The following ZNF705G variants were observed in gnomAD, a reference collection of about 807,000 sequenced individuals.
ZNF705G encodes putative zinc finger protein 705G.
In ZNF705G, 23 loss-of-function variants were observed where a neutral mutation model predicts 19.6. The ratio of observed to expected loss-of-function variants is 1.17; its 90% confidence interval spans 0.84 to 1.66. The LOEUF is 1.66. Ranked by LOEUF, ZNF705G falls within the 40% of genes most tolerant of loss-of-function variation. ZNF705G has a pLI of 0.00. For synonymous variants in ZNF705G, 146 were observed against 117.7 expected (o/e 1.24, Z -1.56); for missense variants, 457 against 354.4 (o/e 1.29, Z -2.32).
At chr8:7,370,911 C>A (rs1310912436) in intron 2 of ZNF705G, among the ~76,000 whole-genome samples, 13 of 121,508 alleles carry the variant, frequency 1.1e-4, no homozygotes, top group African/African-American at 3.5e-4. Context: ...ATGTTCTTTG[C>A]AGGAACATGA....
rs1349500774 is a variant in ZNF705G at position 7,358,556 on chromosome 8, T to C, written c.323A>G (p.Asn108Ser). ...KDASTSMTME[N>S]SLILEDPFEC... ...AAAAGGATCCTCCAGAATGAGAGAG[T>C]TCTCCTTTGGGGCAAATATTAAAAG... Residue 108 changes from asparagine (N) to serine (S), a missense_variant, in exon 7 of 7, where the codon AAC (asparagine) becomes AGC (serine). Transcript: ENST00000400156. The C allele has an allele frequency of 6.2e-7, 1 of 1,607,120 alleles. No homozygotes were observed. The highest frequency in any genetic ancestry group is 1.7e-5 in the Admixed American group (1 of 59,934).
intron 2 of ZNF705G, among the ~76,000 whole-genome samples, chr8:7,364,237 AG>A (rs1386517133): frequency 6.7e-6 from 1 of 149,626 alleles, no homozygotes; most frequent in Admixed American, 6.6e-5. Context: ...TGTTTGAGAC[AG>A]GGGGAAACAT....
At chr8:7,375,356 A>G (rs1807214505) in intron 2 of ZNF705G, among the ~76,000 whole-genome samples, 1 of 93,766 alleles carries the variant, frequency 1.1e-5, no homozygotes. Flanking sequence ...AAAGGACACA[A>G]TTTTGTTCTT....
At chr8:7,365,315 T>A in intron 2 of ZNF705G, among the ~76,000 whole-genome samples, 1 of 149,370 alleles carries the variant, frequency 6.7e-6, no homozygotes, top group Admixed American at 6.6e-5. Context: ...ACTTATGTAT[T>A]TGGTGACTTC....
intron 2 of ZNF705G, among the ~76,000 whole-genome samples, chr8:7,365,683 A>C (rs1457119144): frequency 2.0e-5 from 3 of 149,470 alleles, no homozygotes; most frequent in Non-Finnish European, 4.4e-5. Flanking sequence ...ATCTCTTAAA[A>C]AGTCAAGAGG....
chr8:7,370,028 C>T (rs112089926), intron 2 of ZNF705G, among the ~76,000 whole-genome samples: 1 of 136,578 alleles, frequency 7.3e-6, no homozygotes, highest in Non-Finnish European at 1.5e-5. Context: ...TCTCCTGAAT[C>T]TAAAATAAAA....
intron 2 of ZNF705G, among the ~76,000 whole-genome samples, chr8:7,376,891 G>T (rs1807264889): frequency 6.7e-6 from 1 of 149,220 alleles, no homozygotes; most frequent in Non-Finnish European, 1.5e-5. Context: ...GTGTGTGTGT[G>T]TGTGTAGGAA....
At chr8:7,379,511 A>G (rs868207783) in intron 2 of ZNF705G, among the ~76,000 whole-genome samples, 86 of 147,404 alleles carry the variant, frequency 5.8e-4, no homozygotes, top group Non-Finnish European at 1.0e-4. Context: ...GACAGCAAGT[A>G]GATAATCATA....
chr8:7,357,817 A>G lies in ZNF705G; in HGVS notation c.*159T>C. The G allele has an allele frequency of 8.7e-7, 1 of 1,144,432 alleles. No individual in the cohort carries two copies. The highest frequency in any genetic ancestry group is 2.8e-5 in the Admixed American group (1 of 35,300). 70.9% of individuals were successfully genotyped at this position (1,144,432 alleles called of 1,614,324 possible). The stretch of plus-strand genomic sequence containing the variant: ...CACATTCCTTACCTTTGTCATTCCT[A>G]ACACCGTGTCATCTAAAGTCAGAAT... On this transcript the variant is annotated 3_prime_UTR_variant, in exon 7 of 7. Coordinates refer to ENST00000400156, the MANE Select transcript of ZNF705G (RefSeq NM_001164457.3).
intron 3 of ZNF705G, among the ~76,000 whole-genome samples, chr8:7,362,165 A>G (rs572799583): frequency 6.7e-6 from 1 of 149,620 alleles, no homozygotes; most frequent in Non-Finnish European, 1.5e-5. Context: ...AAGCATTTCC[A>G]CAGAACCCTA....
Position 7,370,457 on chromosome 8 carries a change from G to C in ZNF705G, c.-71-7440C>G, listed in dbSNP as rs556363265. On this transcript the variant is annotated intron_variant, in intron 2 of 6. Transcript: ENST00000400156. ...AAAGATGTATAACAAGTATTAGTGA[G>C]GTTGTGGAGAAAAGATAACCCTTGT... Among the ~76,000 whole-genome samples the C allele has an allele frequency of 1.9e-4, 28 of 149,584 alleles. 2 individuals carry two copies. Among genetic ancestry groups the C allele is most frequent in the African/African-American group, 6.9e-4 (27 of 38,994 alleles).
chr8:7,382,010 A>G (rs571163400), intron 1 of ZNF705G, among the ~76,000 whole-genome samples: 601 of 151,834 alleles, frequency 4.0e-3, no homozygotes, highest in African/African-American at 0.014. Context: ...CATTTTAGCC[A>G]ATTTCTACAT....
intron 2 of ZNF705G, among the ~76,000 whole-genome samples, chr8:7,380,592 C>T (rs1807444546): frequency 6.8e-6 from 1 of 146,952 alleles, no homozygotes; most frequent in African/African-American, 2.7e-5. Context: ...CATCATGTTG[C>T]CATGACTGTT....
At position 7,357,265 on chromosome 8, in the gene ZNF705G, T is replaced by C. The variant is rs1806315219; in HGVS notation, c.*711A>G. On this transcript the variant is annotated 3_prime_UTR_variant, in exon 7 of 7. Coordinates refer to ENST00000400156, the MANE Select transcript of ZNF705G (RefSeq NM_001164457.3). ...CTTCTCCAGTAAGAAGTATTTGGTA[T>C]TCCAAGAGAATTCATTGCCCTTGGA... The C allele has an allele frequency of 6.6e-6, 1 of 151,712 alleles. No homozygotes were observed. Among genetic ancestry groups the C allele is most frequent in the Non-Finnish European group, 1.5e-5 (1 of 68,948 alleles). The allele number at this position is 151,712 out of a possible 1,614,324, so 9.4% of individuals were successfully genotyped here.
In ZNF705G at chr8:7,367,929, C is replaced by T. The variant is rs563241214; in HGVS notation, c.-71-4912G>A. Among the ~76,000 whole-genome samples the T allele has an allele frequency of 5.3e-5, 8 of 149,794 alleles. 1 individual carries two copies. Among genetic ancestry groups the T allele is most frequent in the African/African-American group, 1.8e-4 (7 of 39,186 alleles). On this transcript the variant is annotated intron_variant, in intron 2 of 6. Coordinates refer to ENST00000400156, the MANE Select transcript of ZNF705G (RefSeq NM_001164457.3). ...AATGAGGCCAGTTCACATCTCAGTGCTTGGAGAACTCACCAAAAATAAAAA... is the reference window on the plus strand; with the variant it reads ...AATGAGGCCAGTTCACATCTCAGTGTTTGGAGAACTCACCAAAAATAAAAA...
At chr8:7,366,982 T>G (rs1358724044) in intron 2 of ZNF705G, among the ~76,000 whole-genome samples, 1 of 149,674 alleles carries the variant, frequency 6.7e-6, no homozygotes, top group East Asian at 1.9e-4. Context: ...ATAATTTATT[T>G]ACAGTTTATA....
At chr8:7,364,779 T>C (rs182939385) in intron 2 of ZNF705G, among the ~76,000 whole-genome samples, 11 of 149,456 alleles carry the variant, frequency 7.4e-5, no homozygotes, top group Admixed American at 3.9e-4. Flanking sequence ...TTCATCAAGA[T>C]TCCAGTAACA....
chr8:7,385,191 G>A lies in ZNF705G; in HGVS notation c.-222+307C>T, dbSNP rs185029762. Among the ~76,000 whole-genome samples the A allele has an allele frequency of 6.1e-5, 9 of 148,290 alleles. 1 individual carries two copies. The highest frequency in any genetic ancestry group is 7.9e-5 in the African/African-American group (3 of 37,808). On this transcript the variant is annotated intron_variant, in intron 1 of 6. Coordinates refer to ENST00000400156, the MANE Select transcript of ZNF705G (RefSeq NM_001164457.3). ...AAGTCTGCATCAGGTGGGTCATGGT[G>A]GGCCAAGTGGGTAAAGGTCAGTGCT...
At chr8:7,367,703 CT>C (rs1806920952) in intron 2 of ZNF705G, among the ~76,000 whole-genome samples, 1 of 149,522 alleles carries the variant, frequency 6.7e-6, no homozygotes, top group African/African-American at 2.6e-5. Context: ...GAGAATTTTC[CT>C]CTCCTTCCTG....
Sources: gnomAD v4.1 joint callset for allele counts (sites outside exome capture counted in the v4.1 genomes callset) on GRCh38, gnomAD v4.1.1 for gene constraint, MANE v1.5 for transcripts, NCBI Gene and HGNC (gene_info 2026-07-23, HGNC 2026-07-21) for gene names.